The following EIF5B variants were observed in gnomAD, a reference collection of about 807,000 sequenced individuals.
EIF5B encodes eukaryotic translation initiation factor 5B.
EIF5B carries 47 observed loss-of-function variants against 147.5 expected under a neutral mutation model. The observed-to-expected ratio is 0.32, with a 90% CI of 0.25 to 0.41. The LOEUF (loss-of-function observed/expected upper bound fraction) is 0.41, where lower values mean the gene tolerates loss of function less well. Among genes scored for constraint, EIF5B ranks in the 10% least tolerant of loss-of-function variants. The probability of loss-of-function intolerance (pLI) is 1.00; values close to 1 mark genes in which losing one functional copy is unlikely to be tolerated. For synonymous variants in EIF5B, 455 were observed against 456.2 expected, an observed-to-expected ratio of 1.00 and a Z score of 0.03; for missense variants, 1,064 against 1,413.2, an observed-to-expected ratio of 0.75 and a Z score of 3.96.
intron 1 of EIF5B, among the ~76,000 whole-genome samples, chr2:99,358,167 G>A (rs758857073): frequency 9.9e-5 from 15 of 152,032 alleles, no homozygotes; most frequent in Non-Finnish European, 1.3e-4. Flanking sequence ...AGGTGATTCA[G>A]GTAATCTTCC....
chr2:99,388,211 ATGT>A (rs1159165270), intron 14 of EIF5B, among the ~76,000 whole-genome samples: 3 of 152,086 alleles, frequency 2.0e-5, no homozygotes, highest in Non-Finnish European at 4.4e-5. Flanking sequence ...TTTTCTAAGT[ATGT>A]TGTTATGTTA....
intron 1 of EIF5B, chr2:99,338,319 A>G (rs2105331183): frequency 2.3e-6 from 3 of 1,287,286 alleles, no homozygotes; most frequent in Non-Finnish European, 3.0e-6. Flanking sequence ...TTACTTACCT[A>G]GAGATTTTTG....
intron 17 of EIF5B, 106 bp from the exon 18 acceptor site, chr2:99,392,861 G>T (rs927628955): frequency 9.3e-7 from 1 of 1,078,780 alleles, no homozygotes; most frequent in Non-Finnish European, 1.2e-6. Context: ...TTTGTGCCTC[G>T]TTTAAGAAAC....
At chr2:99,384,191 C>T (rs9753373) in intron 14 of EIF5B, among the ~76,000 whole-genome samples, 49,926 of 103,492 alleles carry the variant, frequency 0.48, 10,883 homozygotes, top group Admixed American at 0.56. Flanking sequence ...AGCGAGACTC[C>T]GTCTCAAAAA....
chr2:99,381,482 A>G (rs1488225367), intron 12 of EIF5B, among the ~76,000 whole-genome samples: 1 of 151,650 alleles, frequency 6.6e-6, no homozygotes, highest in Non-Finnish European at 1.5e-5. Context: ...GAAGATTAGC[A>G]AAAAGAAAAT....
Position 99,363,707 on chromosome 2 carries a change from A to G in EIF5B, c.982A>G (p.Lys328Glu). The G allele has an allele frequency of 6.2e-7, 1 of 1,602,590 alleles. No homozygotes were observed. The highest frequency in any genetic ancestry group is 1.1e-5 in the South Asian group (1 of 87,492). ...GAAAAAGAAAGGAGAAAAGGAAGAA[A>G]AAGAGAAAGAGAAGAAAAAAGGACC... ...KKKKKGEKEE[K>E]EKEKKKGPSK... Residue 328 changes from lysine to glutamate, a missense_variant, in exon 5 of 24, where the codon AAA (lysine) becomes GAA (glutamate). By Grantham distance (56) the Lys-to-Glu change is moderately conservative. Around this residue, in one of 4 missense-constraint regions of EIF5B, gnomAD observed 458 missense variants for 451.3 expected, o/e 1.01. Transcript: ENST00000289371.
At position 99,337,408 on chromosome 2, in the gene EIF5B, C is replaced by G. The variant is rs2032630862; in HGVS notation, c.-147C>G. 7 of 970,352 alleles carry G rather than the reference C, an allele frequency of 7.2e-6. No individual in the cohort carries two copies. Among genetic ancestry groups the G allele is most frequent in the African/African-American group, 1.6e-5 (1 of 61,618 alleles). The allele number at this position is 970,352 out of a possible 1,614,324, so 60.1% of individuals were successfully genotyped here. ...GAACTCACACCATATGTGTCCTGTT[C>G]CAGTGCGCGGGTCTGTGGAGAGCCG... is the stretch of plus-strand genomic sequence containing the variant. On this transcript the variant is annotated 5_prime_UTR_variant, in exon 1 of 24. Transcript: ENST00000289371.
intron 1 of EIF5B, among the ~76,000 whole-genome samples, chr2:99,352,247 G>GT (rs1673982029): frequency 2.6e-5 from 4 of 151,984 alleles, no homozygotes; most frequent in Admixed American, 2.6e-4. Context: ...TCAGGCTGGA[G>GT]TGCAATGGTA....
At chr2:99,395,375 C>T (rs1167403254) in intron 21 of EIF5B, among the ~76,000 whole-genome samples, 1 of 152,212 alleles carries the variant, frequency 6.6e-6, no homozygotes, top group Non-Finnish European at 1.5e-5. Context: ...GTTCTGTCAC[C>T]CATGCTGCAG....
intron 14 of EIF5B, among the ~76,000 whole-genome samples, chr2:99,386,712 G>A (rs1402214030): frequency 1.3e-5 from 2 of 149,750 alleles, no homozygotes; most frequent in East Asian, 4.0e-4. Flanking sequence ...TTTTTCTGGG[G>A]GGCGGGGGGG....
chr2:99,384,760 G>A (rs1674765458), intron 14 of EIF5B, among the ~76,000 whole-genome samples: 1 of 152,194 alleles, frequency 6.6e-6, no homozygotes, highest in Non-Finnish European at 1.5e-5. Flanking sequence ...AAGAGAACTG[G>A]AATTTGAAGT....
At chr2:99,346,206 C>T (rs1312280286) in intron 1 of EIF5B, among the ~76,000 whole-genome samples, 1 of 152,080 alleles carries the variant, frequency 6.6e-6, no homozygotes, top group Non-Finnish European at 1.5e-5. Flanking sequence ...TGGGAGTATG[C>T]TGTGTGTTTC....
chr2:99,375,982 A>G (rs760867928), intron 9 of EIF5B, among the ~76,000 whole-genome samples: 6 of 152,190 alleles, frequency 3.9e-5, no homozygotes, highest in Admixed American at 1.3e-4. Flanking sequence ...AAATATTCCA[A>G]ATTTTAAAAA....
chr2:99,371,653 C>CAGA lies in EIF5B; in HGVS notation c.1488_1490dup. 2.5e-6 allele frequency: 4 copies of CAGA among 1,608,168 alleles called. No individual in the cohort carries two copies. The highest frequency in any genetic ancestry group is 2.2e-5 in the South Asian group (2 of 89,226). On this transcript the variant is annotated splice_polypyrimidine_tract_variant and splice_region_variant and intron_variant, in intron 8 of 23. Transcript: ENST00000289371. ...TGTCTTAAATGCAAATTTTTACTTA[C>CAGA]AGAAGAAGAAGAAGATACTGAGGAT...
chr2:99,362,557 G>T (rs1458985896), intron 4 of EIF5B, among the ~76,000 whole-genome samples: 1 of 151,824 alleles, frequency 6.6e-6, no homozygotes, highest in Non-Finnish European at 1.5e-5. Flanking sequence ...TAATTAGCCG[G>T]GCATGGTGGC....
At chr2:99,382,964 CTTAA>C in intron 14 of EIF5B, 43 bp downstream of exon 14, 1 of 1,527,590 alleles carries the variant, frequency 6.5e-7, no homozygotes, top group African/African-American at 1.4e-5. Flanking sequence ...AAACATGTTT[CTTAA>C]TTTTTTGTGA....
rs1427586438 is a variant in EIF5B at position 99,400,007 on chromosome 2, C to G, written c.*593C>G. ...TTTTACTGCTTGTGTAGTCACGAGT[C>G]CATTGTAATCATCACAATTCTAAAC... On this transcript the variant is annotated 3_prime_UTR_variant, in exon 24 of 24. Coordinates refer to ENST00000289371, the MANE Select transcript of EIF5B (RefSeq NM_015904.4). 1 of 152,464 alleles carries G rather than the reference C, an allele frequency of 6.6e-6. No homozygotes were observed. The highest frequency in any genetic ancestry group is 1.5e-5 in the Non-Finnish European group (1 of 68,104). The allele number at this position is 152,464 out of a possible 1,614,324, so 9.4% of individuals were successfully genotyped here. A position where few individuals can be genotyped will look rare whatever the true frequency, so the allele number is the denominator to read the frequency against.
chr2:99,345,580 T>G (rs1574917586), intron 1 of EIF5B, among the ~76,000 whole-genome samples: 9 of 114,772 alleles, frequency 7.8e-5, no homozygotes, highest in Admixed American at 2.1e-4. Context: ...GGCAATGGAG[T>G]GAGACTGTCT....
At chr2:99,341,813 C>T (rs1304492575) in intron 1 of EIF5B, among the ~76,000 whole-genome samples, 2 of 152,128 alleles carry the variant, frequency 1.3e-5, no homozygotes, top group Non-Finnish European at 1.5e-5. Flanking sequence ...AAGAGCTAAG[C>T]GTTTTTGCAA....
Sources: gnomAD v4.1 joint callset for allele counts (sites outside exome capture counted in the v4.1 genomes callset) on GRCh38, gnomAD v4.1.1 for gene constraint, gnomAD v4.1.1 regional missense constraint, MANE v1.5 for transcripts, NCBI Gene and HGNC (gene_info 2026-07-23, HGNC 2026-07-21) for gene names.